Variants in DNAH5 observed in about 807,000 individuals in gnomAD.
DNAH5 encodes dynein axonemal heavy chain 5.
Under a neutral mutation model 518.2 loss-of-function variants are expected in DNAH5, and 372 were observed. The ratio of observed to expected loss-of-function variants is 0.72; its 90% CI spans 0.66 to 0.78. DNAH5 has a LOEUF of 0.78. Ranked by LOEUF, DNAH5 falls within the 30% of genes least tolerant of loss-of-function variation. DNAH5 has a pLI of 0.00. For missense variants in DNAH5, 5,523 were observed against 5,687.0 expected (o/e 0.97, Z 0.93); for synonymous variants, 2,039 against 2,025.9 (o/e 1.01, Z -0.17).
intron 52 of DNAH5, among the ~76,000 whole-genome samples, chr5:13,783,196 C>T (rs921095822): frequency 3.9e-5 from 6 of 152,176 alleles, no homozygotes; most frequent in African/African-American, 1.4e-4. Context: ...GTGAGACACA[C>T]AGTATCTCAG....
intron 11 of DNAH5, among the ~76,000 whole-genome samples, chr5:13,912,679 G>A (rs1304379341): frequency 6.6e-6 from 1 of 150,998 alleles, no homozygotes. Flanking sequence ...CATATATAGT[G>A]TTATATAAAT....
intron 1 of DNAH5, among the ~76,000 whole-genome samples, chr5:14,004,451 G>A (rs538486092): frequency 6.6e-6 from 1 of 152,326 alleles, no homozygotes; most frequent in East Asian, 1.9e-4. Flanking sequence ...AGGCCCAGGA[G>A]TTAAAGAACA....
Position 13,979,987 on chromosome 5 carries a change from C to T in DNAH5, c.12+31661G>A, listed in dbSNP as rs145331424. Among the ~76,000 whole-genome samples the T allele has an allele frequency of 8.7e-3, 1,325 of 151,882 alleles. 23 individuals are homozygous for T. Among genetic ancestry groups the T allele is most frequent in the African/African-American group, 0.03 (1,246 of 41,412 alleles). On this transcript the variant is annotated intron_variant, in intron 1 of 78. Coordinates refer to the DNAH5 transcript ENST00000681290. ...CCCGAGCAGCTGGGACTACAGGCATCCACCACCACACCTGGCTAATTTTTG... is the reference window on the plus strand; with the variant it reads ...CCCGAGCAGCTGGGACTACAGGCATTCACCACCACACCTGGCTAATTTTTG...
In DNAH5 at chr5:13,841,918, C is replaced by CAA. The variant is rs35337694; in HGVS notation, c.5272-16_5272-15dup. The CAA allele has an allele frequency of 0.018, 10,630 of 587,692 alleles. 56 individuals carry two copies. Among genetic ancestry groups the CAA allele is most frequent in the East Asian group, 0.054 (1,588 of 29,424 alleles). The allele number at this position is 587,692 out of a possible 1,614,324, so 36.4% of individuals were successfully genotyped here. ...TCGATCATAGATCTATGTTAGAAAC[C>CAA]AAAAAAAAAAAAAAAAAAAGCTATA... On this transcript the variant is annotated splice_polypyrimidine_tract_variant and intron_variant, in intron 32 of 78. Coordinates refer to ENST00000265104, the MANE Select transcript of DNAH5 (RefSeq NM_001369.3).
At position 13,715,368 on chromosome 5, in the gene DNAH5, G is replaced by A. The variant is rs550359492; in HGVS notation, c.12910-748C>T. ...TCTTATGAGCTACCTCAAATAAACT[G>A]TGAGATGGGGTATATATAAAAATAT... On this transcript the variant is annotated intron_variant, in intron 74 of 78. Transcript: ENST00000265104. Among the ~76,000 whole-genome samples, 22 of 152,154 alleles carry A rather than the reference G, an allele frequency of 1.4e-4. 1 individual carries two copies. The highest frequency in any genetic ancestry group is 3.4e-3 in the Middle Eastern group (1 of 292).
Position 13,944,574 on chromosome 5 carries a change from T to C in DNAH5, c.-136A>G. 1 of 750,272 alleles carries C rather than the reference T, an allele frequency of 1.3e-6. No homozygotes were observed. Among genetic ancestry groups the C allele is most frequent in the Non-Finnish European group, 2.3e-6 (1 of 430,806 alleles). The allele number at this position is 750,272 out of a possible 1,614,324, so 46.5% of individuals were successfully genotyped here. ...TTTACTTTCACGTTTCTAATTTGCA[T>C]GTATTATTCACTACATTCACAGAAT... On this transcript the variant is annotated 5_prime_UTR_variant, in exon 1 of 79. An upstream start codon of the reference 5' UTR is lost. Coordinates refer to ENST00000265104, the MANE Select transcript of DNAH5 (RefSeq NM_001369.3).
chr5:13,817,124 T>C (rs1232094746), intron 42 of DNAH5, among the ~76,000 whole-genome samples: 1 of 152,212 alleles, frequency 6.6e-6, no homozygotes, highest in Admixed American at 6.5e-5. Context: ...CTATATACAA[T>C]TTTCTCTCCC....
chr5:13,754,484 C>G, intron 61 of DNAH5, 146 bp from the exon 62 acceptor site: 1 of 932,920 alleles, frequency 1.1e-6, no homozygotes, highest in Non-Finnish European at 1.7e-6. Flanking sequence ...ATTCTATTTC[C>G]ATGTGTCTGT....
chr5:13,829,966 G>C, intron 37 of DNAH5, 60 bp downstream of exon 37: 1 of 1,455,678 alleles, frequency 6.9e-7, no homozygotes, highest in Non-Finnish European at 9.6e-7. Flanking sequence ...TGACCAGGGA[G>C]ATGCATGAAA....
intron 48 of DNAH5, 80 bp downstream of exon 48, chr5:13,793,856 A>T: frequency 1.3e-6 from 2 of 1,547,980 alleles, no homozygotes; most frequent in Non-Finnish European, 8.7e-7. Context: ...GTAAAAACTT[A>T]AAAAAAATTT....
intron 31 of DNAH5, among the ~76,000 whole-genome samples, chr5:13,845,239 C>T (rs1291694484): frequency 1.3e-5 from 2 of 151,998 alleles, no homozygotes; most frequent in African/African-American, 4.8e-5. Context: ...TTTTTCACAA[C>T]TATAATGTAC....
intron 14 of DNAH5, 47 bp downstream of exon 14, chr5:13,901,205 G>T (rs767120086): frequency 3.8e-6 from 6 of 1,576,702 alleles, no homozygotes; most frequent in South Asian, 1.1e-5. Flanking sequence ...TAGAAGAGGG[G>T]TTCCCATGAT....
chr5:13,901,187 T>C (rs1774551688), intron 14 of DNAH5, 65 bp downstream of exon 14: 3 of 1,546,982 alleles, frequency 1.9e-6, no homozygotes, highest in Non-Finnish European at 2.6e-6. Flanking sequence ...AATAACACTG[T>C]CAAATGCTAG....
At chr5:13,884,018 C>T (rs1277129381) in intron 19 of DNAH5, among the ~76,000 whole-genome samples, 3 of 150,732 alleles carry the variant, frequency 2.0e-5, no homozygotes, top group Non-Finnish European at 3.0e-5. Flanking sequence ...TTCTTTTTAC[C>T]ATTTTTAACT....
intron 1 of DNAH5, among the ~76,000 whole-genome samples, chr5:13,960,191 A>C (rs1482704147): frequency 6.6e-6 from 1 of 152,192 alleles, no homozygotes; most frequent in Non-Finnish European, 1.5e-5. Context: ...AGATTTAAAA[A>C]AAATTGTTGA....
intron 65 of DNAH5, among the ~76,000 whole-genome samples, chr5:13,750,821 C>T (rs935382316): frequency 1.3e-5 from 2 of 152,080 alleles, no homozygotes; most frequent in African/African-American, 2.4e-5. Flanking sequence ...ACTGATTCCT[C>T]GTAGTTTCAT....
At chr5:13,812,385 A>T (rs2127030952) in intron 43 of DNAH5, among the ~76,000 whole-genome samples, 1 of 152,192 alleles carries the variant, frequency 6.6e-6, no homozygotes, top group African/African-American at 2.4e-5. Context: ...AGTTCACTAC[A>T]ACCTCCACCT....
intron 42 of DNAH5, among the ~76,000 whole-genome samples, chr5:13,815,917 G>C (rs1426272662): frequency 2.0e-5 from 3 of 152,164 alleles, no homozygotes; most frequent in Non-Finnish European, 4.4e-5. Context: ...AGTGTGGAGA[G>C]AGAAGAGGGC....
chr5:13,951,893 C>A (rs1780443937), intron 1 of DNAH5, among the ~76,000 whole-genome samples: 1 of 152,220 alleles, frequency 6.6e-6, no homozygotes, highest in African/African-American at 2.4e-5. Context: ...TCCTTTAACC[C>A]TGCATTTAGG....
Sources: gnomAD v4.1 joint callset for allele counts (sites outside exome capture counted in the v4.1 genomes callset) on GRCh38, gnomAD v4.1.1 for gene constraint, MANE v1.5 for transcripts, NCBI Gene and HGNC (gene_info 2026-07-23, HGNC 2026-07-21) for gene names.